Variants in BMPR1B observed in about 807,000 individuals in gnomAD.
BMPR1B encodes the protein bone morphogenetic protein receptor type 1B, also known as bone morphogenetic protein receptor type-1B.
BMPR1B carries 12 observed loss-of-function variants against 59.1 expected under a neutral mutation model. The observed-to-expected ratio is 0.20, with a 90% CI of 0.13 to 0.33. The LOEUF (loss-of-function observed/expected upper bound fraction) is 0.33, where lower values mean the gene tolerates loss of function less well. BMPR1B is among the 10% of genes least tolerant of loss of function. BMPR1B has a pLI of 1.00. For synonymous variants in BMPR1B, 237 were observed against 207.3 expected (o/e 1.14, Z -1.23); for missense variants, 550 against 610.9 (o/e 0.90, Z 1.05).
intron 3 of BMPR1B, among the ~76,000 whole-genome samples, chr4:95,016,991 G>A (rs1366030919): frequency 6.6e-6 from 1 of 152,136 alleles, no homozygotes; most frequent in Non-Finnish European, 1.5e-5. Flanking sequence ...AAGATTTATA[G>A]TTATTTTATT....
In BMPR1B at chr4:94,841,748, C is replaced by A. The variant is rs6851987; in HGVS notation, c.-182-34083C>A. On this transcript the variant is annotated intron_variant, in intron 1 of 12. Transcript: ENST00000515059. ...GTTGCTCACGCTGGGAGCTGTAGAC[C>A]GGAGCTGTTCCTATTCGGCCATCTT... Among the ~76,000 whole-genome samples, 1,009 of 152,078 alleles carry A rather than the reference C, an allele frequency of 6.6e-3. 10 individuals carry two copies. The highest frequency in any genetic ancestry group is 0.023 in the African/African-American group (941 of 41,484).
chr4:94,820,304 T>G (rs549138154), intron 1 of BMPR1B, among the ~76,000 whole-genome samples: 32 of 152,290 alleles, frequency 2.1e-4, no homozygotes, highest in African/African-American at 7.5e-4. Context: ...TTAAATGAAC[T>G]AAAAAGCCAT....
At position 95,131,359 on chromosome 4, in the gene BMPR1B, C is replaced by T; in HGVS notation, c.923C>T (p.Ser308Phe). Reference protein sequence around the residue: ...AKSMLKLAYSSVSGLCHLHTE... With the variant: ...AKSMLKLAYSFVSGLCHLHTE... ...TCAATGCTGAAGTTAGCCTACTCTT[C>T]TGTCAGTGGCTTATGTCATTTACAC... Residue 308 changes from serine (S) to phenylalanine (F), a missense_variant, in exon 10 of 13, where the codon TCT (serine) becomes TTT (phenylalanine). By Grantham distance (155) the Ser-to-Phe change is radical. Coordinates refer to ENST00000515059, the MANE Select transcript of BMPR1B (RefSeq NM_001203.3). 1 of 1,614,040 alleles carries T rather than the reference C, an allele frequency of 6.2e-7. No homozygotes were observed. Among genetic ancestry groups the T allele is most frequent in the Non-Finnish European group, 8.5e-7 (1 of 1,180,002 alleles).
At chr4:94,939,163 G>C (rs1391690788) in intron 2 of BMPR1B, among the ~76,000 whole-genome samples, 1 of 152,010 alleles carries the variant, frequency 6.6e-6, no homozygotes, top group Non-Finnish European at 1.5e-5. Flanking sequence ...TTTCAGCAAA[G>C]GATGAAGGAA....
chr4:95,123,742 A>G (rs964012370), intron 6 of BMPR1B, 68 bp from the exon 7 acceptor site: 1 of 1,221,542 alleles, frequency 8.2e-7, no homozygotes, highest in Non-Finnish European at 1.2e-6. Context: ...CCTTTAGGAA[A>G]GAGTTACTTT....
At chr4:94,964,886 A>G (rs1283301178) in intron 2 of BMPR1B, among the ~76,000 whole-genome samples, 3 of 152,144 alleles carry the variant, frequency 2.0e-5, no homozygotes, top group Non-Finnish European at 2.9e-5. Context: ...TGTTTCAGGT[A>G]TATTCCAACC....
In BMPR1B at chr4:95,071,670, A is replaced by ATATATATATATATATATG. The variant is rs1396490033; in HGVS notation, c.-17-32727_-17-32726insATATATGTATATATATAT. 8.2e-5 allele frequency among the ~76,000 whole-genome samples: 12 copies of ATATATATATATATATATG among 145,992 alleles called. No homozygotes were observed. The Admixed American group carries it at 8.3e-4, about 10-fold the overall frequency. On this transcript the variant is annotated intron_variant, in intron 3 of 12. Coordinates refer to ENST00000515059, the MANE Select transcript of BMPR1B (RefSeq NM_001203.3). ...TGTGTGTGTATATATATATATATAT[A>ATATATATATATATATATG]TATATATATATGAACTCTATATTGC...
intron 2 of BMPR1B, among the ~76,000 whole-genome samples, chr4:94,908,076 A>G (rs979062227): frequency 7.7e-6 from 1 of 129,850 alleles, no homozygotes; most frequent in Admixed American, 7.2e-5. Context: ...AAAAAAAAAA[A>G]AAAAAAAAAA....
At chr4:94,970,271 CT>C (rs1394983484) in intron 2 of BMPR1B, among the ~76,000 whole-genome samples, 1 of 113,570 alleles carries the variant, frequency 8.8e-6, no homozygotes. Context: ...CTTCTCTTCT[CT>C]TCTCTTCTCT....
At position 95,005,949 on chromosome 4, in the gene BMPR1B, C is replaced by T. The variant is rs187896800; in HGVS notation, c.-18+9815C>T. ...CCTCTCATTTTATAATTAATGGTAACGTCAACATGTCACGGATATTTGTAT... is the reference window on the plus strand; with the variant it reads ...CCTCTCATTTTATAATTAATGGTAATGTCAACATGTCACGGATATTTGTAT... On this transcript the variant is annotated intron_variant, in intron 3 of 12. Transcript: ENST00000515059. 6.6e-5 allele frequency among the ~76,000 whole-genome samples: 10 copies of T among 152,228 alleles called. No homozygotes were observed. The South Asian group carries it at 8.3e-4, about 13-fold the overall frequency.
At chr4:94,786,915 C>A (rs1722785280) in intron 1 of BMPR1B, among the ~76,000 whole-genome samples, 1 of 152,116 alleles carries the variant, frequency 6.6e-6, no homozygotes, top group Non-Finnish European at 1.5e-5. Flanking sequence ...TTTTGAACTC[C>A]TGGCCTCAAG....
At chr4:94,785,990 A>G (rs1722750353) in intron 1 of BMPR1B, among the ~76,000 whole-genome samples, 1 of 152,226 alleles carries the variant, frequency 6.6e-6, no homozygotes, top group African/African-American at 2.4e-5. Context: ...AGATCTGGCC[A>G]CATCATCACT....
intron 1 of BMPR1B, among the ~76,000 whole-genome samples, chr4:94,824,791 ATTTT>A (rs1300387111): frequency 1.3e-5 from 2 of 152,172 alleles, no homozygotes; most frequent in African/African-American, 4.8e-5. Flanking sequence ...TATTGGGTAA[ATTTT>A]TATTTTATAA....
At chr4:95,120,635 TTCC>T (rs1732420362) in intron 6 of BMPR1B, among the ~76,000 whole-genome samples, 3 of 144,414 alleles carry the variant, frequency 2.1e-5, no homozygotes, top group Admixed American at 6.8e-5. Flanking sequence ...CCTTCCTTCC[TTCC>T]TTCCTTCCTT....
intron 1 of BMPR1B, among the ~76,000 whole-genome samples, chr4:94,769,525 A>G (rs1170279824): frequency 6.6e-6 from 1 of 151,984 alleles, no homozygotes; most frequent in Non-Finnish European, 1.5e-5. Flanking sequence ...CAGGAGAATC[A>G]CTTGAACCCA....
intron 1 of BMPR1B, among the ~76,000 whole-genome samples, chr4:94,835,156 G>A (rs560708563): frequency 6.6e-6 from 1 of 151,310 alleles, no homozygotes; most frequent in East Asian, 1.9e-4. Flanking sequence ...GAATAGTGTG[G>A]GTTATCTTTA....
intron 3 of BMPR1B, among the ~76,000 whole-genome samples, chr4:95,057,772 A>T (rs1389076581): frequency 6.6e-6 from 1 of 151,898 alleles, no homozygotes; most frequent in Non-Finnish European, 1.5e-5. Flanking sequence ...TACTTCCAGG[A>T]CTCTTTTGTT....
intron 3 of BMPR1B, among the ~76,000 whole-genome samples, chr4:95,086,216 C>T (rs977695486): frequency 1.4e-4 from 22 of 151,980 alleles, no homozygotes; most frequent in African/African-American, 5.1e-4. Context: ...CTTTCTTGTC[C>T]CTATTTTTTA....
At chr4:94,973,070 T>C (rs1216003718) in intron 2 of BMPR1B, among the ~76,000 whole-genome samples, 1 of 152,126 alleles carries the variant, frequency 6.6e-6, no homozygotes, top group Non-Finnish European at 1.5e-5. Flanking sequence ...TCAGCTGCTT[T>C]TGGGCACCAG....
Sources: gnomAD v4.1 joint callset for allele counts (sites outside exome capture counted in the v4.1 genomes callset) on GRCh38, gnomAD v4.1.1 for gene constraint, MANE v1.5 for transcripts, NCBI Gene and HGNC (gene_info 2026-07-23, HGNC 2026-07-21) for gene names.